FAF1: variants seen among roughly 807,000 people sequenced by gnomAD.
FAF1 encodes the protein Fas associated factor 1.
A neutral mutation model predicts 92.5 loss-of-function variants in FAF1; 25 were observed. That is an observed-to-expected ratio of 0.27 (90% CI 0.20 to 0.38). The LOEUF is 0.38. FAF1 is among the 10% of genes least tolerant of loss of function. The pLI, the probability that FAF1 is intolerant of heterozygous loss-of-function variation, is 1.00. For synonymous variants in FAF1, 234 were observed against 273.2 expected, an observed-to-expected ratio of 0.86 and a Z score of 1.42; for missense variants, 636 against 793.3, an observed-to-expected ratio of 0.80 and a Z score of 2.38.
intron 1 of FAF1, among the ~76,000 whole-genome samples, chr1:50,892,886 C>T (rs1368077858): frequency 1.3e-5 from 2 of 151,978 alleles, no homozygotes; most frequent in Non-Finnish European, 2.9e-5. Flanking sequence ...CTTTTTTATT[C>T]TTTTTTCTTC....
rs529837332 is a variant in FAF1 at position 50,882,918 on chromosome 1, G to C, written c.46-24921C>G. Among the ~76,000 whole-genome samples the C allele has an allele frequency of 1.1e-4, 16 of 151,646 alleles. 1 individual carries two copies. The South Asian group carries it at 3.3e-3, about 32-fold the overall frequency. ...GGAGAATCACTTGAACACGGGAGGC[G>C]GGTTGTAGTAAGCCGAGATTGCGCC... On this transcript the variant is annotated intron_variant, in intron 1 of 18. Transcript: ENST00000396153.
chr1:50,549,862 C>A (rs957953500), intron 13 of FAF1, among the ~76,000 whole-genome samples: 1 of 152,130 alleles, frequency 6.6e-6, no homozygotes, highest in African/African-American at 2.4e-5. Flanking sequence ...CTCAATCGAT[C>A]CTTCTAAGTA....
At chr1:50,765,000 C>G (rs1337922239) in intron 4 of FAF1, among the ~76,000 whole-genome samples, 3 of 152,172 alleles carry the variant, frequency 2.0e-5, no homozygotes, top group Non-Finnish European at 4.4e-5. Context: ...AATCATTTCA[C>G]CTAACAATTT....
rs549323373 is a variant in FAF1, at chr1:50,885,404, A to G, written c.46-27407T>C. On this transcript the variant is annotated intron_variant, in intron 1 of 18. Coordinates refer to ENST00000396153, the MANE Select transcript of FAF1 (RefSeq NM_007051.3). ...AGATGCATATATATTCACAATTGTTATGGCCTCGCTGAACTGAGCCCTTTA... is the reference window on the plus strand; with the variant it reads ...AGATGCATATATATTCACAATTGTTGTGGCCTCGCTGAACTGAGCCCTTTA... Among the ~76,000 whole-genome samples, 12 of 151,518 alleles carry G rather than the reference A, an allele frequency of 7.9e-5. No homozygotes were observed. In the South Asian group the frequency reaches 2.5e-3, roughly 32 times the overall value.
chr1:50,515,684 C>T (rs556276764), intron 15 of FAF1, among the ~76,000 whole-genome samples: 111 of 152,114 alleles, frequency 7.3e-4, no homozygotes, highest in African/African-American at 2.5e-3. Context: ...TTAAGAGAAG[C>T]GATGAATACT....
intron 1 of FAF1, among the ~76,000 whole-genome samples, chr1:50,916,770 G>A (rs1270510868): frequency 6.6e-6 from 1 of 152,172 alleles, no homozygotes; most frequent in Non-Finnish European, 1.5e-5. Flanking sequence ...ATCAAATGCT[G>A]CTGAGAATAG....
Position 50,754,750 on chromosome 1 carries a change from G to C in FAF1, c.368-9975C>G, listed in dbSNP as rs773636952. ...GAGATTGGGCAATTTACAAAAGAAAGAGGTTTAATGGACTTACAGTTCCAA... is the reference window on the plus strand; with the variant it reads ...GAGATTGGGCAATTTACAAAAGAAACAGGTTTAATGGACTTACAGTTCCAA... On this transcript the variant is annotated intron_variant, in intron 4 of 18. Transcript: ENST00000396153. Among the ~76,000 whole-genome samples the C allele has an allele frequency of 2.6e-4, 40 of 152,184 alleles. 1 individual carries two copies. The highest frequency in any genetic ancestry group is 1.6e-4 in the Non-Finnish European group (11 of 68,034).
chr1:50,450,899 A>G (rs1646286211), intron 18 of FAF1, among the ~76,000 whole-genome samples: 1 of 152,200 alleles, frequency 6.6e-6, no homozygotes, highest in African/African-American at 2.4e-5. Context: ...AGGTGGTAAC[A>G]CACCCCAAAA....
At chr1:50,485,667 CAAAAAAAAAAAAAA>C (rs999538430) in intron 17 of FAF1, among the ~76,000 whole-genome samples, 8 of 13,720 alleles carry the variant, frequency 5.8e-4, no homozygotes, top group African/African-American at 1.2e-3. Flanking sequence ...GAGACTGTCT[CAAAAAAAAAAAAAA>C]AAAAAAAAAA....
intron 18 of FAF1, chr1:50,452,034 C>T (rs1446428263): frequency 4.6e-6 from 6 of 1,302,566 alleles, no homozygotes; most frequent in African/African-American, 4.6e-5. Flanking sequence ...GTGGGGAAGG[C>T]CCAGAGGGGA....
intron 7 of FAF1, among the ~76,000 whole-genome samples, chr1:50,703,276 C>A (rs1657548010): frequency 6.6e-6 from 1 of 152,104 alleles, no homozygotes; most frequent in African/African-American, 2.4e-5. Context: ...TTGATGCAAT[C>A]AAACTAACTT....
At chr1:50,559,695 G>A (rs1649777782) in intron 13 of FAF1, among the ~76,000 whole-genome samples, 1 of 152,176 alleles carries the variant, frequency 6.6e-6, no homozygotes, top group Non-Finnish European at 1.5e-5. Flanking sequence ...AAGAGAAAAG[G>A]AGAAAATGAG....
intron 8 of FAF1, among the ~76,000 whole-genome samples, chr1:50,607,985 A>T (rs2124125582): frequency 1.3e-5 from 2 of 152,338 alleles, no homozygotes; most frequent in South Asian, 4.1e-4. Context: ...TAAGACAGCA[A>T]CTTTTATTGA....
chr1:50,940,542 G>A (rs1645123058), intron 1 of FAF1, among the ~76,000 whole-genome samples: 1 of 152,198 alleles, frequency 6.6e-6, no homozygotes, highest in Non-Finnish European at 1.5e-5. Flanking sequence ...TTATAGGCAT[G>A]AGCCAACATG....
chr1:50,745,989 G>T (rs901352095), intron 4 of FAF1, among the ~76,000 whole-genome samples: 1 of 151,920 alleles, frequency 6.6e-6, no homozygotes, highest in East Asian at 1.9e-4. Flanking sequence ...GGACAATGAA[G>T]TCCAGGCTGA....
intron 13 of FAF1, among the ~76,000 whole-genome samples, chr1:50,542,534 T>C (rs1275390210): frequency 6.6e-6 from 1 of 152,204 alleles, no homozygotes; most frequent in African/African-American, 2.4e-5. Context: ...TTTCTTCCTT[T>C]TGAAGAGATA....
chr1:50,472,368 T>TACATAC (rs1318790224), intron 18 of FAF1, among the ~76,000 whole-genome samples: 1 of 123,886 alleles, frequency 8.1e-6, no homozygotes, highest in East Asian at 2.6e-4. Flanking sequence ...GGGGAAAACA[T>TACATAC]ACACACACAC....
chr1:50,637,696 TGTGTGTGTGTGTGTGTGC>T (rs1654115150), intron 8 of FAF1, among the ~76,000 whole-genome samples: 2 of 150,422 alleles, frequency 1.3e-5, no homozygotes, highest in South Asian at 4.2e-4. Flanking sequence ...TGTGTGTGTG[TGTGTGTGTGTGTGTGTGC>T]GTGTGCATAT....
intron 4 of FAF1, among the ~76,000 whole-genome samples, chr1:50,776,637 A>G (rs1233400665): frequency 6.6e-6 from 1 of 152,246 alleles, no homozygotes; most frequent in East Asian, 1.9e-4. Context: ...GATGGCAGTT[A>G]AAATTTATTT....
Sources: allele counts gnomAD v4.1 joint callset (sites outside exome capture counted in the v4.1 genomes callset), GRCh38; gene constraint gnomAD v4.1.1; transcripts MANE v1.5; gene names NCBI Gene and HGNC (gene_info 2026-07-23, HGNC 2026-07-21).